TSHZ2: variants seen among roughly 807,000 people sequenced by gnomAD.
The protein encoded by TSHZ2 is teashirt homolog 2.
In TSHZ2, 21 loss-of-function variants were observed where a neutral mutation model predicts 74.4. The ratio of observed to expected loss-of-function variants is 0.28; its 90% confidence interval spans 0.20 to 0.41. TSHZ2 has a LOEUF of 0.41. TSHZ2 is among the 10% of genes least tolerant of loss of function. TSHZ2 has a pLI of 1.00. For synonymous variants in TSHZ2, 540 were observed against 515.3 expected (o/e 1.05, Z -0.65); for missense variants, 1,244 against 1,293.5 (o/e 0.96, Z 0.59).
chr20:53,163,367 T>A (rs1987989294), intron 1 of TSHZ2, among the ~76,000 whole-genome samples: 1 of 147,486 alleles, frequency 6.8e-6, no homozygotes, highest in Non-Finnish European at 1.5e-5. Flanking sequence ...TCTCTTTTTT[T>A]TTTTTTTTTT....
chr20:53,298,539 C>T (rs563784800), intron 2 of TSHZ2, among the ~76,000 whole-genome samples: 4 of 152,212 alleles, frequency 2.6e-5, no homozygotes, highest in Admixed American at 6.5e-5. Context: ...GTTTCACATA[C>T]GAGAAGGAGC....
chr20:53,107,900 A>G (rs1210759295), intron 1 of TSHZ2, among the ~76,000 whole-genome samples: 12 of 152,204 alleles, frequency 7.9e-5, no homozygotes, highest in Non-Finnish European at 4.4e-5. Flanking sequence ...TAAGAAAGAG[A>G]TGATCTTTTG....
intron 1 of TSHZ2, among the ~76,000 whole-genome samples, chr20:53,108,448 T>C (rs1986441973): frequency 6.6e-6 from 1 of 152,230 alleles, no homozygotes; most frequent in Non-Finnish European, 1.5e-5. Context: ...ACTAGGTTTT[T>C]ACAATTATAG....
chr20:53,096,940 CAAAAAACAAA>C (rs1053330134), intron 1 of TSHZ2, among the ~76,000 whole-genome samples: 9 of 151,078 alleles, frequency 6.0e-5, no homozygotes, highest in African/African-American at 1.2e-4. Flanking sequence ...AAACAAAAAA[CAAAAAACAAA>C]AAAAAACAAC....
chr20:53,348,096 C>T (rs987642321), intron 2 of TSHZ2, among the ~76,000 whole-genome samples: 2 of 152,100 alleles, frequency 1.3e-5, no homozygotes, highest in African/African-American at 4.8e-5. Flanking sequence ...GGTGGTTCCT[C>T]AATAAGATAA....
Position 52,997,259 on chromosome 20 carries a change from C to T in TSHZ2, c.40+23926C>T, listed in dbSNP as rs962827158. Among the ~76,000 whole-genome samples, 19 of 149,016 alleles carry T rather than the reference C, an allele frequency of 1.3e-4. 1 individual carries two copies. The highest frequency in any genetic ancestry group is 4.2e-4 in the African/African-American group (17 of 40,340). The stretch of plus-strand genomic sequence containing the variant: ...CCTGGTTCCTGTGCTCATCTTGCCC[C>T]GGGGGGGGGTTCAGCACTGTCCTGC... On this transcript the variant is annotated intron_variant, in intron 1 of 2. Coordinates refer to ENST00000371497, the MANE Select transcript of TSHZ2 (RefSeq NM_173485.6).
chr20:53,242,116 C>G (rs1453028842), intron 1 of TSHZ2, among the ~76,000 whole-genome samples: 1 of 152,182 alleles, frequency 6.6e-6, no homozygotes, highest in Non-Finnish European at 1.5e-5. Context: ...CTTTAGCTGA[C>G]TTTGACTTTG....
intron 2 of TSHZ2, chr20:53,273,384 C>G (rs1490614965): frequency 2.0e-5 from 3 of 152,436 alleles, no homozygotes; most frequent in African/African-American, 7.2e-5. Flanking sequence ...ACCTCTGCCT[C>G]CTGGGTTCAA....
intron 1 of TSHZ2, among the ~76,000 whole-genome samples, chr20:53,099,151 CA>C (rs1220786960): frequency 1.3e-5 from 2 of 152,156 alleles, no homozygotes; most frequent in African/African-American, 4.8e-5. Context: ...GACTAGGCAC[CA>C]GCAAGGAAGA....
At chr20:53,311,202 T>C (rs1350312516) in intron 2 of TSHZ2, among the ~76,000 whole-genome samples, 1 of 152,254 alleles carries the variant, frequency 6.6e-6, no homozygotes, top group Non-Finnish European at 1.5e-5. Flanking sequence ...CCATTAAAAA[T>C]CTTTTAAGCC....
intron 2 of TSHZ2, among the ~76,000 whole-genome samples, chr20:53,409,792 C>A (rs1030077173): frequency 2.7e-5 from 4 of 149,788 alleles, no homozygotes; most frequent in Admixed American, 1.3e-4. Flanking sequence ...GGGGACAAAG[C>A]CTTGAAAAAG....
intron 1 of TSHZ2, among the ~76,000 whole-genome samples, chr20:53,146,841 G>A (rs753200550): frequency 1.3e-5 from 2 of 152,128 alleles, no homozygotes; most frequent in Non-Finnish European, 2.9e-5. Context: ...GGAGCGAGGC[G>A]GGCGTGAAGG....
At chr20:53,180,383 A>G (rs1374073076) in intron 1 of TSHZ2, among the ~76,000 whole-genome samples, 3 of 152,362 alleles carry the variant, frequency 2.0e-5, no homozygotes, top group Non-Finnish European at 2.9e-5. Flanking sequence ...AGAATACTCA[A>G]AGGGAACAAT....
intron 1 of TSHZ2, among the ~76,000 whole-genome samples, chr20:52,997,947 C>G (rs1982268126): frequency 6.6e-6 from 1 of 152,178 alleles, no homozygotes; most frequent in African/African-American, 2.4e-5. Context: ...CTCCTAGGAG[C>G]TCATTAGAAA....
chr20:53,365,403 C>T (rs1484483653), intron 2 of TSHZ2, among the ~76,000 whole-genome samples: 3 of 152,104 alleles, frequency 2.0e-5, no homozygotes, highest in Non-Finnish European at 4.4e-5. Context: ...AATACACATG[C>T]CAGGGTTTCT....
chr20:53,369,270 A>G (rs889222732), intron 2 of TSHZ2, among the ~76,000 whole-genome samples: 2 of 152,170 alleles, frequency 1.3e-5, no homozygotes, highest in African/African-American at 2.4e-5. Context: ...GTCTCAAAGA[A>G]AAAGAAGAGA....
chr20:53,333,692 A>G (rs1458521484), intron 2 of TSHZ2, among the ~76,000 whole-genome samples: 1 of 152,234 alleles, frequency 6.6e-6, no homozygotes, highest in Admixed American at 6.5e-5. Context: ...TCCTGACCTC[A>G]TGATCCACCC....
At chr20:53,006,994 T>C (rs1314040425) in intron 1 of TSHZ2, among the ~76,000 whole-genome samples, 1 of 152,118 alleles carries the variant, frequency 6.6e-6, no homozygotes, top group Non-Finnish European at 1.5e-5. Flanking sequence ...AATCCATGAG[T>C]GAACAAAGCT....
At chr20:53,329,102 A>T (rs1429304961) in intron 2 of TSHZ2, among the ~76,000 whole-genome samples, 1 of 152,218 alleles carries the variant, frequency 6.6e-6, no homozygotes, top group Non-Finnish European at 1.5e-5. Flanking sequence ...AAGGGTTTCA[A>T]GCTTAATATA....
Sources: allele counts gnomAD v4.1 joint callset (sites outside exome capture counted in the v4.1 genomes callset), GRCh38; gene constraint gnomAD v4.1.1; transcripts MANE v1.5; gene names NCBI Gene and HGNC (gene_info 2026-07-23, HGNC 2026-07-21).